FGD4: variants seen among roughly 807,000 people sequenced by gnomAD.
FGD4 encodes the protein FYVE, RhoGEF and PH domain containing 4.
In FGD4, 42 loss-of-function variants were observed where a neutral mutation model predicts 102.0. The ratio of observed to expected loss-of-function variants is 0.41; its 90% CI spans 0.32 to 0.53. The LOEUF is 0.53. FGD4 is among the 20% of genes least tolerant of loss of function. The pLI, the probability that FGD4 is intolerant of heterozygous loss-of-function variation, is 0.21. For synonymous variants in FGD4, 380 were observed against 375.7 expected (o/e 1.01, Z -0.13); for missense variants, 902 against 1,078.2 (o/e 0.84, Z 2.29).
At chr12:32,533,723 C>A (rs780996314) in intron 1 of FGD4, among the ~76,000 whole-genome samples, 1 of 152,174 alleles carries the variant, frequency 6.6e-6, no homozygotes, top group Non-Finnish European at 1.5e-5. Context: ...CCGCGCCTGG[C>A]TTTAATCTGA....
intron 1 of FGD4, among the ~76,000 whole-genome samples, chr12:32,480,200 A>C (rs1591982102): frequency 6.8e-6 from 1 of 147,652 alleles, no homozygotes; most frequent in Admixed American, 6.9e-5. Flanking sequence ...TCGCTCTGTC[A>C]CCCAGAGCTG....
chr12:32,530,780 T>G (rs1941709658), intron 1 of FGD4, among the ~76,000 whole-genome samples: 1 of 152,078 alleles, frequency 6.6e-6, no homozygotes, highest in South Asian at 2.1e-4. Context: ...GTATGGGGAA[T>G]TAATTAGATC....
intron 7 of FGD4, among the ~76,000 whole-genome samples, chr12:32,603,018 A>G (rs919849100): frequency 7.2e-5 from 11 of 152,100 alleles, no homozygotes; most frequent in Non-Finnish European, 1.2e-4. Flanking sequence ...ATTTTTCACA[A>G]TGTACTTCAG....
At chr12:32,424,404 CT>C (rs1305612158) in intron 1 of FGD4, among the ~76,000 whole-genome samples, 46 of 152,204 alleles carry the variant, frequency 3.0e-4, no homozygotes, top group African/African-American at 9.9e-4. Flanking sequence ...TGAACTCATT[CT>C]TTTTTTATGG....
intron 1 of FGD4, among the ~76,000 whole-genome samples, chr12:32,489,761 A>T (rs147110170): frequency 6.6e-6 from 1 of 151,994 alleles, no homozygotes; most frequent in Non-Finnish European, 1.5e-5. Context: ...ATATGACCCT[A>T]TTTTTCGTGT....
intron 14 of FGD4, among the ~76,000 whole-genome samples, chr12:32,628,773 A>G (rs10844265): frequency 0.5 from 75,275 of 151,928 alleles, 19,580 homozygotes; most frequent in Middle Eastern, 0.64. Context: ...GCGACAGAGC[A>G]AGACCGTCTA....
At chr12:32,598,018 G>A (rs918193767) in intron 4 of FGD4, among the ~76,000 whole-genome samples, 1 of 152,080 alleles carries the variant, frequency 6.6e-6, no homozygotes, top group East Asian at 1.9e-4. Context: ...GCGTCACCAC[G>A]CCTGTGCTCA....
intron 1 of FGD4, among the ~76,000 whole-genome samples, chr12:32,466,867 CAAAAAAAA>C (rs35375727): frequency 6.8e-4 from 43 of 62,806 alleles, no homozygotes; most frequent in African/African-American, 1.8e-3. Context: ...GAGTCTGTCT[CAAAAAAAA>C]AAAAAAAAAA....
intron 2 of FGD4, among the ~76,000 whole-genome samples, chr12:32,573,357 A>G (rs1945843153): frequency 6.6e-6 from 1 of 151,726 alleles, no homozygotes; most frequent in South Asian, 2.1e-4. Flanking sequence ...GGCCTCCCAA[A>G]GTGCTGGGAT....
chr12:32,614,762 G>A (rs1949349659), intron 10 of FGD4, among the ~76,000 whole-genome samples: 1 of 152,174 alleles, frequency 6.6e-6, no homozygotes, highest in Admixed American at 6.5e-5. Context: ...CTACTGCATT[G>A]CCATGGTAAA....
intron 2 of FGD4, among the ~76,000 whole-genome samples, chr12:32,570,759 T>C (rs995066751): frequency 6.6e-6 from 1 of 152,154 alleles, no homozygotes; most frequent in Non-Finnish European, 1.5e-5. Flanking sequence ...CTGATTGTTA[T>C]TCCTTTCTTC....
intron 1 of FGD4, among the ~76,000 whole-genome samples, chr12:32,527,492 C>T (rs181887449): frequency 2.8e-4 from 43 of 152,182 alleles, no homozygotes; most frequent in Admixed American, 1.9e-3. Context: ...CGCAGTGGTG[C>T]GATCTCAGCT....
intron 14 of FGD4, among the ~76,000 whole-genome samples, chr12:32,627,040 G>T (rs1950216975): frequency 6.6e-6 from 1 of 151,996 alleles, no homozygotes; most frequent in African/African-American, 2.4e-5. Context: ...TAGGGATGGG[G>T]TTTCTCCATG....
chr12:32,604,900 A>G (rs139573994), intron 7 of FGD4, among the ~76,000 whole-genome samples: 62 of 140,590 alleles, frequency 4.4e-4, no homozygotes, highest in African/African-American at 1.5e-3. Context: ...TAAAATGCAA[A>G]TATTGTTTTG....
At chr12:32,461,197 A>G (rs1189287969) in intron 1 of FGD4, among the ~76,000 whole-genome samples, 9 of 152,240 alleles carry the variant, frequency 5.9e-5, no homozygotes, top group Admixed American at 6.5e-5. Context: ...GGAAAATATC[A>G]TATTTTAAAT....
intron 1 of FGD4, among the ~76,000 whole-genome samples, chr12:32,525,027 A>T (rs886264386): frequency 6.6e-6 from 1 of 152,240 alleles, no homozygotes; most frequent in African/African-American, 2.4e-5. Context: ...CAAGAGCAAA[A>T]CAGACTTCAA....
chr12:32,605,145 GC>G (rs1200147308), intron 7 of FGD4, among the ~76,000 whole-genome samples: 1 of 150,946 alleles, frequency 6.6e-6, no homozygotes, highest in Non-Finnish European at 1.5e-5. Flanking sequence ...CGCCATGTTG[GC>G]CAGGCTGGTC....
At chr12:32,480,588 C>T (rs10844214) in intron 1 of FGD4, among the ~76,000 whole-genome samples, 74,637 of 151,354 alleles carry the variant, frequency 0.49, 19,351 homozygotes, top group African/African-American at 0.63. Context: ...GCAACCTCCA[C>T]CTCCCAGGTT....
intron 3 of FGD4, among the ~76,000 whole-genome samples, chr12:32,576,964 T>C (rs1324353824): frequency 6.6e-6 from 1 of 152,152 alleles, no homozygotes; most frequent in Non-Finnish European, 1.5e-5. Flanking sequence ...CCTCTCCATA[T>C]ACTCCATCAT....
Sources: gnomAD v4.1 joint callset for allele counts (sites outside exome capture counted in the v4.1 genomes callset) on GRCh38, gnomAD v4.1.1 for gene constraint, MANE v1.5 for transcripts, NCBI Gene and HGNC (gene_info 2026-07-23, HGNC 2026-07-21) for gene names.